The following CDH8 variants were observed in gnomAD, a reference collection of about 807,000 sequenced individuals.
CDH8 encodes cadherin-8.
CDH8 carries 17 observed loss-of-function variants against 68.1 expected under a neutral mutation model. The ratio of observed to expected loss-of-function variants is 0.25; its 90% CI spans 0.17 to 0.37. CDH8 has a LOEUF of 0.37. Among genes scored for constraint, CDH8 ranks in the 10% least tolerant of loss-of-function variants. The pLI is 1.00. For missense variants in CDH8, 763 were observed against 999.3 expected, an observed-to-expected ratio of 0.76 and a Z score of 3.19; for synonymous variants, 372 against 365.1, an observed-to-expected ratio of 1.02 and a Z score of -0.21.
intron 10 of CDH8, among the ~76,000 whole-genome samples, chr16:61,705,428 A>T (rs1422237059): frequency 6.6e-6 from 1 of 152,200 alleles, no homozygotes; most frequent in Non-Finnish European, 1.5e-5. Flanking sequence ...CATCAGCCCC[A>T]GTTCACTGCC....
intron 10 of CDH8, among the ~76,000 whole-genome samples, chr16:61,680,800 T>C (rs1054262709): frequency 6.6e-6 from 1 of 151,942 alleles, no homozygotes; most frequent in Non-Finnish European, 1.5e-5. Context: ...TTATCCTTTG[T>C]AGATTCTGCA....
intron 7 of CDH8, among the ~76,000 whole-genome samples, chr16:61,800,575 C>T (rs182546703): frequency 8.9e-4 from 136 of 152,314 alleles, no homozygotes; most frequent in African/African-American, 3.2e-3. Flanking sequence ...ATTGTATTCT[C>T]ATTTACTATG....
intron 8 of CDH8, among the ~76,000 whole-genome samples, chr16:61,736,803 C>T (rs1044900185): frequency 6.6e-6 from 1 of 152,112 alleles, no homozygotes; most frequent in African/African-American, 2.4e-5. Flanking sequence ...TATTTATGTC[C>T]TTTGTGACTG....
chr16:61,706,272 G>C (rs377377307), intron 10 of CDH8, among the ~76,000 whole-genome samples: 2 of 152,150 alleles, frequency 1.3e-5, no homozygotes, highest in East Asian at 3.9e-4. Flanking sequence ...AATAGAAGAG[G>C]GATAAAGCAG....
chr16:61,993,440 C>T (rs1315220698), intron 2 of CDH8, among the ~76,000 whole-genome samples: 3 of 152,140 alleles, frequency 2.0e-5, no homozygotes, highest in Middle Eastern at 3.4e-3. Flanking sequence ...CTGCTTCAGC[C>T]TCTTGAGTAG....
chr16:61,807,322 T>G (rs1961811713), intron 7 of CDH8, among the ~76,000 whole-genome samples: 2 of 77,108 alleles, frequency 2.6e-5, no homozygotes, highest in African/African-American at 5.3e-5. Flanking sequence ...GGGACTGTGG[T>G]GGGGTGGGGG....
At chr16:61,845,874 T>C (rs998585576) in intron 4 of CDH8, among the ~76,000 whole-genome samples, 1 of 152,136 alleles carries the variant, frequency 6.6e-6, no homozygotes, top group Non-Finnish European at 1.5e-5. Flanking sequence ...AACCGACTTA[T>C]CCTGCAGATA....
chr16:62,005,761 T>G (rs1329578936), intron 2 of CDH8, among the ~76,000 whole-genome samples: 1 of 147,966 alleles, frequency 6.8e-6, no homozygotes, highest in East Asian at 2.0e-4. Flanking sequence ...AAAAAAACAT[T>G]GCCCAGGGAG....
At chr16:61,910,952 AC>A (rs1253040928) in intron 2 of CDH8, among the ~76,000 whole-genome samples, 1 of 152,186 alleles carries the variant, frequency 6.6e-6, no homozygotes, top group Non-Finnish European at 1.5e-5. Context: ...GTACTTATTC[AC>A]CCATTCAATA....
chr16:61,684,679 G>T (rs74023215), intron 10 of CDH8, among the ~76,000 whole-genome samples: 8,839 of 151,944 alleles, frequency 0.058, 880 homozygotes, highest in African/African-American at 0.2. Flanking sequence ...AGTGCTCTGC[G>T]CTGTACTGCA....
intron 3 of CDH8, among the ~76,000 whole-genome samples, chr16:61,885,603 G>C (rs1172124091): frequency 6.6e-6 from 1 of 151,238 alleles, no homozygotes; most frequent in Non-Finnish European, 1.5e-5. Context: ...ATTTAAGTTT[G>C]ACATTGTAAC....
intron 10 of CDH8, among the ~76,000 whole-genome samples, chr16:61,672,162 G>C (rs974367998): frequency 1.3e-5 from 2 of 151,900 alleles, no homozygotes; most frequent in Admixed American, 6.6e-5. Flanking sequence ...GGTACTTCCT[G>C]GTAGTGGGTA....
intron 2 of CDH8, among the ~76,000 whole-genome samples, chr16:61,976,105 T>A (rs1965428852): frequency 6.6e-6 from 1 of 152,202 alleles, no homozygotes; most frequent in Non-Finnish European, 1.5e-5. Context: ...AAGGCTGCAC[T>A]GGTAATCCTA....
chr16:61,853,995 T>A, intron 4 of CDH8, among the ~76,000 whole-genome samples: 1 of 152,148 alleles, frequency 6.6e-6, no homozygotes. Context: ...TAAATATATA[T>A]GTATATACAT....
chr16:61,957,389 G>A (rs1184571330), intron 2 of CDH8, among the ~76,000 whole-genome samples: 1 of 152,126 alleles, frequency 6.6e-6, no homozygotes, highest in African/African-American at 2.4e-5. Context: ...GCAGCTAAGT[G>A]TAGTTTAAAA....
intron 2 of CDH8, among the ~76,000 whole-genome samples, chr16:61,937,153 C>T (rs1341067609): frequency 6.6e-6 from 1 of 152,150 alleles, no homozygotes; most frequent in Admixed American, 6.6e-5. Context: ...TGGAGCAGCA[C>T]TCAAGTGTAG....
rs186531455 is a variant in CDH8 at position 61,974,186 on chromosome 16, T to C, written c.252+46966A>G. Among the ~76,000 whole-genome samples, 425 of 152,056 alleles carry C rather than the reference T, an allele frequency of 2.8e-3. 4 individuals are homozygous for C. Among genetic ancestry groups the C allele is most frequent in the African/African-American group, 9.4e-3 (389 of 41,484 alleles). Reference sequence around the variant, plus strand: ...GAAATACATTAATAAAGTGAAAAAATATATTTAGTGTTCTATGGAAAAAAA... The same window carrying C: ...GAAATACATTAATAAAGTGAAAAAACATATTTAGTGTTCTATGGAAAAAAA... On this transcript the variant is annotated intron_variant, in intron 2 of 11. Coordinates refer to ENST00000577390, the MANE Select transcript of CDH8 (RefSeq NM_001796.5).
At chr16:61,717,328 G>A (rs1316801162) in intron 9 of CDH8, among the ~76,000 whole-genome samples, 1 of 151,458 alleles carries the variant, frequency 6.6e-6, no homozygotes, top group Non-Finnish European at 1.5e-5. Flanking sequence ...AACCATGCTT[G>A]GATTTTCAGA....
intron 10 of CDH8, among the ~76,000 whole-genome samples, chr16:61,700,317 G>C (rs1231705823): frequency 1.4e-5 from 2 of 145,996 alleles, no homozygotes; most frequent in Non-Finnish European, 3.0e-5. Flanking sequence ...GTCTCACTCT[G>C]TCGCCCAGGC....
Sources: gnomAD v4.1 joint callset for allele counts (sites outside exome capture counted in the v4.1 genomes callset) on GRCh38, gnomAD v4.1.1 for gene constraint, MANE v1.5 for transcripts, NCBI Gene and HGNC (gene_info 2026-07-23, HGNC 2026-07-21) for gene names.